UHRF1: variants seen among roughly 807,000 people sequenced by gnomAD.
UHRF1 encodes the protein ubiquitin like with PHD and ring finger domains 1, also known as E3 ubiquitin-protein ligase UHRF1.
Under a neutral mutation model 96.5 loss-of-function variants are expected in UHRF1, and 9 were observed. The ratio of observed to expected loss-of-function variants is 0.09; its 90% CI spans 0.06 to 0.16. UHRF1 has a LOEUF of 0.16. UHRF1 is among the 10% of genes least tolerant of loss of function. The pLI, the probability that UHRF1 is intolerant of heterozygous loss-of-function variation, is 1.00. For synonymous variants in UHRF1, 455 were observed against 469.9 expected (o/e 0.97, Z 0.41); for missense variants, 626 against 1,131.1 (o/e 0.55, Z 6.40).
upstream of UHRF1, among the ~76,000 whole-genome samples, chr19:4,904,593 A>G (rs1237175971): frequency 2.0e-5 from 3 of 152,190 alleles, no homozygotes; most frequent in African/African-American, 7.2e-5. Flanking sequence ...CTGGGATTAC[A>G]GGCATGAGCT....
chr19:4,941,794 C>G lies in UHRF1; in HGVS notation c.936C>G (p.Leu312=). 1.3e-6 allele frequency: 2 copies of G among 1,575,000 alleles called. No individual in the cohort carries two copies. Among genetic ancestry groups the G allele is most frequent in the Non-Finnish European group, 8.6e-7 (1 of 1,160,798 alleles). Residue 312 remains leucine (L), a synonymous_variant, in exon 7 of 17, where the codon CTC becomes CTG. Transcript: ENST00000650932. ...ACTGCAAGGACGACGTGAACAGACT[C>G]TGCCGGGTCTGCGCCTGCCACCTGT... The part of the protein sequence containing the change: ...CKHCKDDVNR[L]CRVCACHLCG...
At chr19:4,942,178 TTTTTTCTTTTC>T (rs761565978) in intron 7 of UHRF1, among the ~76,000 whole-genome samples, 27 of 152,090 alleles carry the variant, frequency 1.8e-4, no homozygotes, top group South Asian at 6.2e-4. Context: ...AGACGGAGTC[TTTTTTCTTTTC>T]TTTTTCTTTT....
At chr19:4,951,616 G>GT (rs1333698785) in intron 13 of UHRF1, among the ~76,000 whole-genome samples, 2 of 149,848 alleles carry the variant, frequency 1.3e-5, no homozygotes, top group African/African-American at 4.9e-5. Flanking sequence ...AGACTTGCTT[G>GT]TCTTCGTTCT....
intron 11 of UHRF1, among the ~76,000 whole-genome samples, chr19:4,947,918 T>C (rs2033616768): frequency 6.6e-6 from 1 of 151,542 alleles, no homozygotes; most frequent in Admixed American, 6.6e-5. Flanking sequence ...GGCAAGGTAG[T>C]GAGACAACCC....
Position 4,950,811 on chromosome 19 carries a change from G to A in UHRF1, c.1680+38G>A, listed in dbSNP as rs777890120. On this transcript the variant is annotated intron_variant, in intron 12 of 16. Coordinates refer to ENST00000650932, the MANE Select transcript of UHRF1 (RefSeq NM_001048201.3). The stretch of plus-strand genomic sequence containing the variant: ...TGAGGAGGCCGGGGGCTCTGTCCCC[G>A]CCGGGGCTGCCTCTGATGGAGCTGA... The A allele has an allele frequency of 1.4e-4, 232 of 1,613,832 alleles. 1 individual carries two copies. Among genetic ancestry groups the A allele is most frequent in the Non-Finnish European group, 1.9e-4 (221 of 1,179,884 alleles).
intron 2 of UHRF1, among the ~76,000 whole-genome samples, chr19:4,916,087 C>T (rs1048479631): frequency 4.6e-5 from 7 of 151,944 alleles, no homozygotes; most frequent in African/African-American, 1.5e-4. Flanking sequence ...AGGCGAGGAT[C>T]GCTTGAGGTT....
At chr19:4,958,350 C>A (rs1180155595) in intron 16 of UHRF1, among the ~76,000 whole-genome samples, 1 of 152,194 alleles carries the variant, frequency 6.6e-6, no homozygotes, top group Non-Finnish European at 1.5e-5. Flanking sequence ...TCCTGGATGC[C>A]AGGTTGTTGT....
intron 5 of UHRF1, 107 bp downstream of exon 5, chr19:4,933,063 C>T: frequency 7.9e-7 from 1 of 1,266,638 alleles, no homozygotes; most frequent in Non-Finnish European, 1.1e-6. Context: ...GTGCGAGGCC[C>T]TTAGCCTCCG....
chr19:4,938,730 GTT>G lies in UHRF1; in HGVS notation c.786-2768_786-2767del, dbSNP rs71170880. 6.8e-4 allele frequency among the ~76,000 whole-genome samples: 42 copies of G among 61,576 alleles called. No homozygotes were observed. The South Asian group carries it at 0.012, about 18-fold the overall frequency. The allele number at this position is 61,576 out of a possible 152,430, so 40.4% of individuals were successfully genotyped here. On this transcript the variant is annotated intron_variant, in intron 5 of 16. Coordinates refer to ENST00000650932, the MANE Select transcript of UHRF1 (RefSeq NM_001048201.3). ...GGCATAAGAGTTTTGTTTTGGTCAG[GTT>G]TTTTTTTTTTTTTTTTTTTTTTTTT...
At chr19:4,956,673 G>T (rs376169052) in intron 15 of UHRF1, 36 bp from the exon 16 acceptor site, 1 of 1,387,782 alleles carries the variant, frequency 7.2e-7, no homozygotes, top group South Asian at 1.2e-5. Flanking sequence ...CCCTGGTCCC[G>T]GTGTCTTTGC....
intron 13 of UHRF1, among the ~76,000 whole-genome samples, chr19:4,952,267 T>A (rs745673028): frequency 2.0e-5 from 3 of 152,016 alleles, no homozygotes; most frequent in Non-Finnish European, 4.4e-5. Flanking sequence ...TCAGTTTTTG[T>A]ATTTTTAGTA....
chr19:4,909,549 G>GGTCGCACGC lies in UHRF1; in HGVS notation c.-116_-108dup, dbSNP rs1036724797. 4.5e-6 allele frequency: 3 copies of GGTCGCACGC among 659,456 alleles called. No individual in the cohort carries two copies. The African/African-American group carries it at 5.7e-5, about 13-fold the overall frequency. 40.9% of individuals were successfully genotyped at this position (659,456 alleles called of 1,614,324 possible). ...CAGCGTTTGCCGAGCGGGCGCTCCG[G>GGTCGCACGC]GTCGCACGCAAGTCCGCGCGGGGTC... On this transcript the variant is annotated 5_prime_UTR_variant, in exon 1 of 17. Transcript: ENST00000650932.
In UHRF1 at chr19:4,923,376, C is replaced by T. The variant is rs1390790177; in HGVS notation, c.154-5846C>T. On this transcript the variant is annotated intron_variant, in intron 2 of 16. Transcript: ENST00000650932. ...GCTGCCTGCTCTCCAGGCAGCCCCT[C>T]GCCCAGGGCTGCACCTCCGACCTGT... 5.9e-5 allele frequency among the ~76,000 whole-genome samples: 9 copies of T among 151,976 alleles called. No homozygotes were observed. In the East Asian group the frequency reaches 1.2e-3, roughly 20 times the overall value.
chr19:4,916,880 T>C (rs2032527063), intron 2 of UHRF1, among the ~76,000 whole-genome samples: 1 of 152,048 alleles, frequency 6.6e-6, no homozygotes, highest in Non-Finnish European at 1.5e-5. Context: ...CGGCTGGAGG[T>C]CCCTCCTGAT....
At chr19:4,903,102 C>G (rs919651220) in exon 1 of UHRF1, 22 of 415,552 alleles carry the variant, frequency 5.3e-5, no homozygotes, top group Non-Finnish European at 8.1e-5. Flanking sequence ...TCTTGGCTCA[C>G]TGCAACCTCC....
intron 5 of UHRF1, among the ~76,000 whole-genome samples, chr19:4,936,915 A>C (rs984800640): frequency 6.6e-6 from 1 of 152,214 alleles, no homozygotes; most frequent in African/African-American, 2.4e-5. Flanking sequence ...TCACAACTGG[A>C]ATATTGACAT....
At chr19:4,953,584 C>T (rs547502251) in intron 13 of UHRF1, among the ~76,000 whole-genome samples, 60 of 151,998 alleles carry the variant, frequency 3.9e-4, no homozygotes, top group African/African-American at 1.4e-3. Flanking sequence ...CTGCCTCAGG[C>T]TCCTAAGTAG....
intron 2 of UHRF1, among the ~76,000 whole-genome samples, chr19:4,920,153 T>C (rs922596891): frequency 6.6e-6 from 1 of 152,104 alleles, no homozygotes; most frequent in African/African-American, 2.4e-5. Flanking sequence ...AAAAAGAGGC[T>C]GGGCGCAGCG....
At chr19:4,929,702 C>G (rs1331636331) in intron 3 of UHRF1, among the ~76,000 whole-genome samples, 2 of 152,200 alleles carry the variant, frequency 1.3e-5, no homozygotes, top group African/African-American at 4.8e-5. Context: ...CTGCAGGTGT[C>G]TTCTCCGTGA....
Sources: gnomAD v4.1 joint callset for allele counts (sites outside exome capture counted in the v4.1 genomes callset) on GRCh38, gnomAD v4.1.1 for gene constraint, MANE v1.5 for transcripts, NCBI Gene and HGNC (gene_info 2026-07-23, HGNC 2026-07-21) for gene names.